The following TTC28 variants were observed in gnomAD, a reference collection of about 807,000 sequenced individuals.
The protein encoded by TTC28 is tetratricopeptide repeat domain 28, also known as tetratricopeptide repeat protein 28.
A neutral mutation model predicts 198.0 loss-of-function variants in TTC28; 61 were observed. The observed-to-expected ratio is 0.31, with a 90% confidence interval of 0.25 to 0.38. The LOEUF (loss-of-function observed/expected upper bound fraction) is 0.38, where lower values mean the gene tolerates loss of function less well. TTC28 is among the 10% of genes least tolerant of loss of function. The probability of loss-of-function intolerance (pLI) is 1.00; values close to 1 mark genes in which losing one functional copy is unlikely to be tolerated. For synonymous variants in TTC28, 1,171 were observed against 1,297.8 expected (o/e 0.90, Z 2.10); for missense variants, 2,678 against 3,164.0 (o/e 0.85, Z 3.69).
chr22:28,465,274 A>T (rs899179282), intron 2 of TTC28, among the ~76,000 whole-genome samples: 25 of 152,298 alleles, frequency 1.6e-4, no homozygotes, highest in African/African-American at 5.3e-4. Flanking sequence ...TTTAATTTTT[A>T]AAAAATCTGA....
At chr22:28,010,927 G>T (rs1938133287) in intron 14 of TTC28, among the ~76,000 whole-genome samples, 1 of 152,154 alleles carries the variant, frequency 6.6e-6, no homozygotes, top group South Asian at 2.1e-4. Context: ...CGTGTACCAG[G>T]CCTTGTAACA....
intron 2 of TTC28, among the ~76,000 whole-genome samples, chr22:28,538,556 C>CTTTTTTTT (rs753754141): frequency 4.6e-5 from 5 of 109,534 alleles, no homozygotes; most frequent in East Asian, 2.5e-4. Context: ...GCACCTTTCT[C>CTTTTTTTT]TTTTTTTTTT....
At chr22:28,387,594 G>T (rs1475469734) in intron 2 of TTC28, among the ~76,000 whole-genome samples, 1 of 152,218 alleles carries the variant, frequency 6.6e-6, no homozygotes, top group African/African-American at 2.4e-5. Context: ...CTGATGGCCA[G>T]TGATGGTGAG....
At chr22:28,325,993 TA>T (rs1363539279) in intron 2 of TTC28, among the ~76,000 whole-genome samples, 1 of 152,070 alleles carries the variant, frequency 6.6e-6, no homozygotes, top group African/African-American at 2.4e-5. Flanking sequence ...GAACTTATCT[TA>T]GAAATAACAA....
chr22:28,104,753 C>T (rs79319175), intron 8 of TTC28, among the ~76,000 whole-genome samples: 1 of 152,170 alleles, frequency 6.6e-6, no homozygotes, highest in African/African-American at 2.4e-5. Flanking sequence ...TTGAGTACCC[C>T]TCAGACTGAT....
At chr22:28,519,044 T>C (rs1371689409) in intron 2 of TTC28, among the ~76,000 whole-genome samples, 1 of 152,210 alleles carries the variant, frequency 6.6e-6, no homozygotes, top group Non-Finnish European at 1.5e-5. Flanking sequence ...TTTAAGATAA[T>C]TTTTACAACC....
At chr22:27,995,938 G>A (rs936712765) in intron 17 of TTC28, among the ~76,000 whole-genome samples, 197 bp downstream of exon 17, 21 of 152,162 alleles carry the variant, frequency 1.4e-4, no homozygotes, top group Admixed American at 1.3e-3. Context: ...TGTGCATCAC[G>A]CTTTGCTGGG....
chr22:28,630,640 A>G (rs757030707), intron 1 of TTC28, among the ~76,000 whole-genome samples: 74 of 152,234 alleles, frequency 4.9e-4, no homozygotes, highest in Non-Finnish European at 8.7e-4. Flanking sequence ...AGCCACACAA[A>G]ACAGACTAAG....
At chr22:28,632,155 C>T (rs569715847) in intron 1 of TTC28, among the ~76,000 whole-genome samples, 1 of 151,412 alleles carries the variant, frequency 6.6e-6, no homozygotes, top group Admixed American at 6.6e-5. Context: ...GACTGTTCTT[C>T]CTCTGTTCAC....
intron 2 of TTC28, among the ~76,000 whole-genome samples, chr22:28,550,958 A>T (rs2049659025): frequency 6.6e-6 from 1 of 152,160 alleles, no homozygotes; most frequent in Non-Finnish European, 1.5e-5. Flanking sequence ...GTTAAAAAAG[A>T]CAAAGACGGA....
intron 2 of TTC28, among the ~76,000 whole-genome samples, chr22:28,508,738 A>G (rs751783140): frequency 2.6e-5 from 4 of 152,212 alleles, no homozygotes; most frequent in Non-Finnish European, 5.9e-5. Flanking sequence ...AAGTTCTTAG[A>G]GACTTACAAA....
At chr22:28,402,969 T>C (rs1021827932) in intron 2 of TTC28, among the ~76,000 whole-genome samples, 4 of 152,204 alleles carry the variant, frequency 2.6e-5, no homozygotes, top group African/African-American at 9.6e-5. Context: ...TAATTACTCT[T>C]GGGTCAGAAA....
At chr22:28,674,659 A>C (rs1289860802) in intron 1 of TTC28, among the ~76,000 whole-genome samples, 1 of 151,854 alleles carries the variant, frequency 6.6e-6, no homozygotes, top group Non-Finnish European at 1.5e-5. Flanking sequence ...GTCTCTACTA[A>C]AAATACAAAA....
At chr22:28,078,239 G>C (rs901308606) in intron 12 of TTC28, among the ~76,000 whole-genome samples, 1 of 152,136 alleles carries the variant, frequency 6.6e-6, no homozygotes, top group Non-Finnish European at 1.5e-5. Context: ...AGAATAACAA[G>C]GACACCATGG....
chr22:28,220,511 G>C (rs1927772505), intron 5 of TTC28, among the ~76,000 whole-genome samples: 1 of 152,176 alleles, frequency 6.6e-6, no homozygotes, highest in Non-Finnish European at 1.5e-5. Context: ...AGAACTGAGA[G>C]CTTCAGTTTT....
At chr22:28,582,936 G>C (rs2050253271) in intron 2 of TTC28, among the ~76,000 whole-genome samples, 1 of 152,114 alleles carries the variant, frequency 6.6e-6, no homozygotes, top group Non-Finnish European at 1.5e-5. Context: ...CATAGGAAAG[G>C]AAGAAACACA....
chr22:28,395,050 T>G (rs2046792605), intron 2 of TTC28, among the ~76,000 whole-genome samples: 1 of 152,200 alleles, frequency 6.6e-6, no homozygotes, highest in African/African-American at 2.4e-5. Context: ...TATCTTTAAT[T>G]TCAAATCCCC....
At chr22:28,054,921 C>G (rs1940222566) in intron 12 of TTC28, among the ~76,000 whole-genome samples, 1 of 152,148 alleles carries the variant, frequency 6.6e-6, no homozygotes, top group African/African-American at 2.4e-5. Context: ...TCCATAGTTT[C>G]ACAGAATAGC....
In TTC28 at chr22:28,107,595, T is replaced by G. The variant is rs747645480; in HGVS notation, c.2250A>C (p.Arg750Ser). The change falls in exon 7 of 23, where the codon AGA (arginine) becomes AGC (serine). Residue 750 changes from arginine to serine, a missense_variant. This residue lies in a region of TTC28 where 775 missense variants were observed against 845.9 expected (regional missense o/e 0.92). Coordinates refer to ENST00000397906, the MANE Select transcript of TTC28 (RefSeq NM_001145418.2). Reference protein sequence around the residue: ...QLGLAHQVKDRRLEASAYAAL... With the variant: ...QLGLAHQVKDSRLEASAYAAL... ...CTGCATATGCACTGGCTTCTAATCTTCTGTCCTTTACCTGGTGAGCTAAGC... is the reference window on the plus strand; with the variant it reads ...CTGCATATGCACTGGCTTCTAATCTGCTGTCCTTTACCTGGTGAGCTAAGC... 1.3e-6 allele frequency: 2 copies of G among 1,551,766 alleles called. No homozygotes were observed. Among genetic ancestry groups the G allele is most frequent in the Non-Finnish European group, 1.7e-6 (2 of 1,147,016 alleles).
Sources: gnomAD v4.1 joint callset for allele counts (sites outside exome capture counted in the v4.1 genomes callset) on GRCh38, gnomAD v4.1.1 for gene constraint, gnomAD v4.1.1 regional missense constraint, MANE v1.5 for transcripts, NCBI Gene and HGNC (gene_info 2026-07-23, HGNC 2026-07-21) for gene names.